The following GRAMD2B variants were observed in gnomAD, a reference collection of about 807,000 sequenced individuals.
The protein encoded by GRAMD2B is GRAM domain-containing protein 2B.
GRAMD2B carries 41 observed loss-of-function variants against 59.2 expected under a neutral mutation model. That is an observed-to-expected ratio of 0.69 (90% CI 0.54 to 0.90). The LOEUF is 0.90. Among genes scored for constraint, GRAMD2B ranks in the 40% least tolerant of loss-of-function variants. GRAMD2B has a pLI of 0.00. For synonymous variants in GRAMD2B, 161 were observed against 182.7 expected, an observed-to-expected ratio of 0.88 and a Z score of 0.96; for missense variants, 424 against 500.5, an observed-to-expected ratio of 0.85 and a Z score of 1.46.
chr5:126,377,256 A>G (rs572514253), intron 1 of GRAMD2B, among the ~76,000 whole-genome samples: 146 of 150,040 alleles, frequency 9.7e-4, no homozygotes, highest in Non-Finnish European at 1.9e-3. Context: ...CCACACCCCC[A>G]CTCTCATCCC....
intron 6 of GRAMD2B, among the ~76,000 whole-genome samples, chr5:126,478,106 AT>A (rs1188197844): frequency 6.7e-6 from 1 of 150,146 alleles, no homozygotes; most frequent in African/African-American, 2.5e-5. Context: ...GGCTAAACTG[AT>A]ACATTCAGTT....
At chr5:126,481,125 A>G (rs1340736935) in intron 8 of GRAMD2B, among the ~76,000 whole-genome samples, 1 of 151,878 alleles carries the variant, frequency 6.6e-6, no homozygotes, top group South Asian at 2.1e-4. Context: ...GGAAAAATTA[A>G]AACTAATTTA....
At position 126,485,747 on chromosome 5, in the gene GRAMD2B, C is replaced by T; in HGVS notation, c.1032C>T (p.His344=). 1 of 1,609,402 alleles carries T rather than the reference C, an allele frequency of 6.2e-7. No individual in the cohort carries two copies. Among genetic ancestry groups the T allele is most frequent in the East Asian group, 2.2e-5 (1 of 44,800 alleles). ...KVKSQKCPML[H]HILIFYAIVV... is the part of the protein sequence containing the mutation. ...AGTCTCAGAAATGTCCGATGCTTCA[C>T]CATATTCTTATATTCTATGCAATTG... is the stretch of plus-strand genomic sequence containing the variant. The change falls in exon 11 of 14, where the codon CAC becomes CAT. Residue 344 remains histidine (H), a synonymous_variant. Transcript: ENST00000285689.
At chr5:126,480,373 G>A in intron 6 of GRAMD2B, 83 bp from the exon 7 acceptor site, 1 of 929,954 alleles carries the variant, frequency 1.1e-6, no homozygotes, top group Non-Finnish European at 1.7e-6. Context: ...TGCAAAAGCT[G>A]TATACAGATA....
chr5:126,425,721 A>G (rs1760504705), intron 1 of GRAMD2B, among the ~76,000 whole-genome samples: 1 of 152,222 alleles, frequency 6.6e-6, no homozygotes, highest in Non-Finnish European at 1.5e-5. Flanking sequence ...AGCCATGTTC[A>G]TGCCACTACA....
At chr5:126,473,467 C>A in intron 5 of GRAMD2B, 99 bp downstream of exon 5, 1 of 432,894 alleles carries the variant, frequency 2.3e-6, no homozygotes, top group Non-Finnish European at 4.1e-6. Context: ...ATATTTGTAT[C>A]ATGGTTATTC....
At chr5:126,469,028 CT>C (rs1297575616) in intron 2 of GRAMD2B, among the ~76,000 whole-genome samples, 1 of 152,076 alleles carries the variant, frequency 6.6e-6, no homozygotes, top group African/African-American at 2.4e-5. Context: ...CAAAAATATT[CT>C]TTGATTGAAC....
At chr5:126,472,411 C>A in intron 4 of GRAMD2B, 107 bp downstream of exon 4, 2 of 786,864 alleles carry the variant, frequency 2.5e-6, no homozygotes, top group Non-Finnish European at 4.3e-6. Context: ...CCAAGGGGAT[C>A]AGGTTTCTGA....
intron 1 of GRAMD2B, among the ~76,000 whole-genome samples, chr5:126,456,779 C>A (rs533132244): frequency 1.1e-4 from 16 of 152,312 alleles, no homozygotes; most frequent in African/African-American, 3.9e-4. Context: ...ATCACTTTGA[C>A]TCCCCACTTT....
chr5:126,406,808 A>G (rs1338949868), intron 1 of GRAMD2B, among the ~76,000 whole-genome samples: 1 of 151,996 alleles, frequency 6.6e-6, no homozygotes, highest in African/African-American at 2.4e-5. Flanking sequence ...TCTTTCTTCT[A>G]GAGAAAAATA....
At position 126,441,453 on chromosome 5, in the gene GRAMD2B, G is replaced by A. The variant is rs1029395208; in HGVS notation, c.83+17764G>A. ...CTTTCAGGATTGACTCAGGGCCCCC[G>A]TCCTCTACTTTGTCACCTTCACACT... On this transcript the variant is annotated intron_variant, in intron 1 of 13. Coordinates refer to ENST00000285689, the MANE Select transcript of GRAMD2B (RefSeq NM_023927.4). Among the ~76,000 whole-genome samples the A allele has an allele frequency of 2.6e-5, 4 of 152,184 alleles. 1 individual carries two copies. Among genetic ancestry groups the A allele is most frequent in the South Asian group, 4.1e-4 (2 of 4,828 alleles).
At chr5:126,440,960 T>C (rs1763184167) in intron 1 of GRAMD2B, among the ~76,000 whole-genome samples, 1 of 152,174 alleles carries the variant, frequency 6.6e-6, no homozygotes, top group Non-Finnish European at 1.5e-5. Flanking sequence ...TTATACAAAA[T>C]TCTATATTGA....
At chr5:126,367,883 C>G (rs1030376970), upstream of GRAMD2B, among the ~76,000 whole-genome samples, 1 of 152,190 alleles carries the variant, frequency 6.6e-6, no homozygotes, top group African/African-American at 2.4e-5. Flanking sequence ...TCCTGAGTAG[C>G]TGGGACTACA....
chr5:126,480,415 C>A, intron 6 of GRAMD2B, 41 bp from the exon 7 acceptor site: 3 of 1,438,566 alleles, frequency 2.1e-6, no homozygotes, highest in South Asian at 1.2e-5. Context: ...CACTTCTCAT[C>A]CGGCAATATC....
At chr5:126,490,626 G>A (rs1294683212) in intron 13 of GRAMD2B, among the ~76,000 whole-genome samples, 1 of 152,162 alleles carries the variant, frequency 6.6e-6, no homozygotes, top group African/African-American at 2.4e-5. Context: ...TAAAAAAGAG[G>A]TACCAGGCCA....
chr5:126,417,154 G>T (rs946086324), intron 1 of GRAMD2B, among the ~76,000 whole-genome samples: 9 of 152,202 alleles, frequency 5.9e-5, no homozygotes, highest in African/African-American at 2.2e-4. Context: ...TAGTGAGTTG[G>T]TATTCACATC....
rs1247949798 is a variant in GRAMD2B at position 126,480,724 on chromosome 5, A to G, written c.735+17A>G. 1 of 1,602,772 alleles carries G rather than the reference A, an allele frequency of 6.2e-7. No homozygotes were observed. Among genetic ancestry groups the G allele is most frequent in the African/African-American group, 1.3e-5 (1 of 74,802 alleles). Reference sequence around the variant, plus strand: ...CTGCCTCTGGTAAGTTGCCCACATAACTATCTAAATGCAAAAGAAAGGGAA... The same window carrying G: ...CTGCCTCTGGTAAGTTGCCCACATAGCTATCTAAATGCAAAAGAAAGGGAA... On this transcript the variant is annotated intron_variant, in intron 8 of 13. Transcript: ENST00000285689.
At chr5:126,405,250 A>G (rs1422269) in intron 1 of GRAMD2B, among the ~76,000 whole-genome samples, 107,925 of 151,742 alleles carry the variant, frequency 0.71, 39,565 homozygotes, top group Non-Finnish European at 0.8. Flanking sequence ...TTTATCTCCA[A>G]ACAAATGGGA....
intron 1 of GRAMD2B, among the ~76,000 whole-genome samples, chr5:126,437,228 A>T (rs1735729490): frequency 6.6e-6 from 1 of 152,252 alleles, no homozygotes. Context: ...AAAACAATCC[A>T]GGTGAGATTG....
Sources: gnomAD v4.1 joint callset for allele counts (sites outside exome capture counted in the v4.1 genomes callset) on GRCh38, gnomAD v4.1.1 for gene constraint, MANE v1.5 for transcripts, NCBI Gene and HGNC (gene_info 2026-07-23, HGNC 2026-07-21) for gene names.